The following EVC variants were observed in gnomAD, a reference collection of about 807,000 sequenced individuals.
EVC encodes the protein EvC ciliary complex subunit 1.
In EVC, 116 loss-of-function variants were observed where a neutral mutation model predicts 118.9. The observed-to-expected ratio is 0.98, with a 90% CI of 0.84 to 1.14. The LOEUF (loss-of-function observed/expected upper bound fraction) is 1.14, where lower values mean the gene tolerates loss of function less well. Among genes scored for constraint, EVC ranks in the 50% most tolerant of loss-of-function variants. EVC has a pLI of 0.00. For synonymous variants in EVC, 619 were observed against 534.7 expected (o/e 1.16, Z -2.18); for missense variants, 1,401 against 1,246.4 (o/e 1.12, Z -1.87).
chr4:5,796,947 G>C (rs1714069795), intron 13 of EVC, 75 bp from the exon 14 acceptor site: 1 of 1,117,640 alleles, frequency 8.9e-7, no homozygotes, highest in African/African-American at 1.5e-5. Context: ...GTGGGCTGTG[G>C]CTGTTTGGGG....
At chr4:5,804,628 G>A (rs1358235460) in intron 16 of EVC, 102 bp from the exon 17 acceptor site, 6 of 890,974 alleles carry the variant, frequency 6.7e-6, no homozygotes, top group Non-Finnish European at 9.4e-6. Context: ...CTCTTGGAGA[G>A]CTGGTGTGTC....
intron 2 of EVC, among the ~76,000 whole-genome samples, chr4:5,724,358 C>A (rs373479585): frequency 2.0e-5 from 3 of 152,322 alleles, no homozygotes; most frequent in South Asian, 2.1e-4. Flanking sequence ...TGGGAGTGCG[C>A]GATGCCTCAG....
intron 5 of EVC, among the ~76,000 whole-genome samples, chr4:5,740,809 A>C (rs192281282): frequency 6.6e-6 from 1 of 152,234 alleles, no homozygotes; most frequent in Non-Finnish European, 1.5e-5. Context: ...AAAAGGATAT[A>C]TAGATGGTAA....
chr4:5,782,092 T>G (rs1408865602), intron 11 of EVC, among the ~76,000 whole-genome samples: 1 of 152,142 alleles, frequency 6.6e-6, no homozygotes. Flanking sequence ...TTTTTATATT[T>G]TTTGAGATGG....
Position 5,773,282 on chromosome 4 carries a change from A to G in EVC, c.1564-10270A>G, listed in dbSNP as rs56829648. Among the ~76,000 whole-genome samples the G allele has an allele frequency of 4.1e-4, 62 of 152,230 alleles. No individual in the cohort carries two copies. In the East Asian group the frequency reaches 0.011, roughly 26 times the overall value. ...CCGGGAAACCCAGGGGCTGAAAACA[A>G]CAGTGATTTGCTCTCATGGGCTGCA... is the stretch of plus-strand genomic sequence containing the variant. On this transcript the variant is annotated intron_variant, in intron 11 of 20. Coordinates refer to ENST00000264956, the MANE Select transcript of EVC (RefSeq NM_153717.3).
chr4:5,806,081 C>G (rs1715858090), intron 17 of EVC, among the ~76,000 whole-genome samples: 1 of 147,486 alleles, frequency 6.8e-6, no homozygotes, highest in African/African-American at 2.6e-5. Flanking sequence ...CATCCTTCCA[C>G]TCTCTTTTTT....
chr4:5,733,253 G>A, intron 4 of EVC, 98 bp from the exon 5 acceptor site: 1 of 927,136 alleles, frequency 1.1e-6, no homozygotes. Flanking sequence ...TTGAGGCAGG[G>A]TGTGCTGTGG....
At chr4:5,804,958 C>T in intron 17 of EVC, 117 bp downstream of exon 17, 1 of 885,738 alleles carries the variant, frequency 1.1e-6, no homozygotes, top group Non-Finnish European at 1.8e-6. Flanking sequence ...ACTTGGGGGC[C>T]ATCGGCCTTC....
Position 5,796,862 on chromosome 4 carries a change from A to C in EVC, c.1887-160A>C, listed in dbSNP as rs11729308. Among the ~76,000 whole-genome samples, 1,181 of 151,980 alleles carry C rather than the reference A, an allele frequency of 7.8e-3. 7 individuals are homozygous for C. The highest frequency in any genetic ancestry group is 0.012 in the Non-Finnish European group (836 of 67,972). On this transcript the variant is annotated intron_variant, in intron 13 of 20. Transcript: ENST00000264956. ...ACAAGCAGATGGCGGCGTGGTGCCC[A>C]GGGAGCACCCATGCCTAAGAGGATG...
intron 11 of EVC, among the ~76,000 whole-genome samples, chr4:5,771,921 G>C (rs1353203701): frequency 6.6e-6 from 1 of 151,612 alleles, no homozygotes; most frequent in Admixed American, 6.6e-5. Context: ...ATTATTTTGA[G>C]ACGTCTCACT....
rs560640521 is a variant in EVC, at chr4:5,802,163, T to C, written c.2449+69T>C. The C allele has an allele frequency of 2.4e-5, 38 of 1,574,592 alleles. No individual in the cohort carries two copies. In the South Asian group the frequency reaches 4.1e-4, roughly 17 times the overall value. On this transcript the variant is annotated intron_variant, in intron 16 of 20. Coordinates refer to ENST00000264956, the MANE Select transcript of EVC (RefSeq NM_153717.3). Reference sequence around the variant, plus strand: ...TGTGTGCTTTTAGTTTGGGGCAGAATAGGATGTCAGATACTGTGAATTTTA... The same window carrying C: ...TGTGTGCTTTTAGTTTGGGGCAGAACAGGATGTCAGATACTGTGAATTTTA...
At chr4:5,793,219 T>C (rs567855167) in intron 12 of EVC, among the ~76,000 whole-genome samples, 2 of 152,246 alleles carry the variant, frequency 1.3e-5, no homozygotes, top group East Asian at 3.9e-4. Flanking sequence ...TGGGACAAGA[T>C]GTGTGTGTAT....
rs759736593 is a variant in EVC, at chr4:5,753,915, C to T, written c.1446C>T (p.Asp482=). Residue 482 remains aspartate (D), a synonymous_variant, in exon 10 of 21, where the codon GAC becomes GAT. Transcript: ENST00000264956. ...SFLAEAQPTA[D]PEKFLEAFHE... is the part of the protein sequence containing the mutation. The stretch of plus-strand genomic sequence containing the variant: ...TGGCTGAGGCCCAGCCGACTGCTGA[C>T]CCGGAAAAGTTTCTCGAGGTGACTC... 6.2e-7 allele frequency: 1 copy of T among 1,613,414 alleles called. No individual in the cohort carries two copies. Among genetic ancestry groups the T allele is most frequent in the African/African-American group, 1.3e-5 (1 of 75,028 alleles).
At chr4:5,753,698 C>T (rs769519695) in intron 9 of EVC, 87 bp from the exon 10 acceptor site, 18 of 1,566,900 alleles carry the variant, frequency 1.1e-5, no homozygotes, top group Non-Finnish European at 1.6e-5. Context: ...GCTTCCCCAA[C>T]CTCCAGACAG....
intron 11 of EVC, among the ~76,000 whole-genome samples, chr4:5,773,387 C>T (rs532668157): frequency 1.3e-5 from 2 of 152,240 alleles, no homozygotes; most frequent in African/African-American, 4.8e-5. Context: ...CCATCTTCCC[C>T]CTAAGACCTG....
the EVC span, chr4:5,828,202 G>A: frequency 9.1e-6 from 9 of 985,250 alleles, no homozygotes; most frequent in East Asian, 1.1e-4. Context: ...GCAGGACAGC[G>A]CCCAGAGCAG....
chr4:5,821,645 T>G, the EVC span: 10 of 972,516 alleles, frequency 1.0e-5, no homozygotes, highest in East Asian at 1.1e-4. The surrounding 1 kb of genome is among the most constrained non-coding windows in gnomAD (Gnocchi z 4.4). Context: ...ATCCTTCGAC[T>G]TCCCCCTCCC....
At chr4:5,824,258 T>A in the EVC span, 1 of 982,750 alleles carries the variant, frequency 1.0e-6, no homozygotes, top group East Asian at 1.1e-4. Flanking sequence ...ATGAAGCCAA[T>A]CCCTGGTTTG....
At chr4:5,786,430 T>C (rs914346271) in intron 12 of EVC, among the ~76,000 whole-genome samples, 1 of 152,158 alleles carries the variant, frequency 6.6e-6, no homozygotes, top group African/African-American at 2.4e-5. Flanking sequence ...TTTCTTGGCA[T>C]GTGGGGAAGG....
Sources: allele counts gnomAD v4.1 joint callset (sites outside exome capture counted in the v4.1 genomes callset), GRCh38; gene constraint gnomAD v4.1.1; non-coding constraint Gnocchi (gnomAD v3.1); transcripts MANE v1.5; gene names NCBI Gene and HGNC (gene_info 2026-07-23, HGNC 2026-07-21).